The following SUPT3H variants were observed in gnomAD, a reference collection of about 807,000 sequenced individuals.
The protein encoded by SUPT3H is SPT3 homolog, SAGA and STAGA complex component.
In SUPT3H, 44 loss-of-function variants were observed where a neutral mutation model predicts 44.3. That is an observed-to-expected ratio of 0.99 (90% CI 0.78 to 1.28). SUPT3H has a LOEUF of 1.28. Ranked by LOEUF, SUPT3H falls within the 50% of genes most tolerant of loss-of-function variation. The pLI is 0.00. For missense variants in SUPT3H, 380 were observed against 387.1 expected (o/e 0.98, Z 0.15); for synonymous variants, 124 against 125.6 (o/e 0.99, Z 0.09).
intron 2 of SUPT3H, among the ~76,000 whole-genome samples, chr6:45,346,652 C>G (rs1790941016): frequency 6.6e-6 from 1 of 151,066 alleles, no homozygotes; most frequent in Admixed American, 6.6e-5. Context: ...ACTGCAACCT[C>G]CACCTCCTGG....
At chr6:45,030,703 G>A (rs544849428) in intron 3 of SUPT3H, among the ~76,000 whole-genome samples, 3 of 152,294 alleles carry the variant, frequency 2.0e-5, no homozygotes, top group South Asian at 4.1e-4. Context: ...TCCTGCTTTA[G>A]AATAATTATG....
chr6:45,004,801 G>T (rs1782473650), intron 5 of SUPT3H, among the ~76,000 whole-genome samples: 1 of 151,614 alleles, frequency 6.6e-6, no homozygotes. Context: ...TTTCTTTCTG[G>T]TCTTGCACTT....
chr6:44,991,799 C>T (rs2153498490), intron 6 of SUPT3H, among the ~76,000 whole-genome samples: 1 of 152,142 alleles, frequency 6.6e-6, no homozygotes, highest in South Asian at 2.1e-4. Context: ...TTATCTATAC[C>T]AAACAAATAA....
At chr6:45,365,986 C>T (rs1328026737) in intron 1 of SUPT3H, among the ~76,000 whole-genome samples, 1 of 151,662 alleles carries the variant, frequency 6.6e-6, no homozygotes, top group Non-Finnish European at 1.5e-5. Flanking sequence ...GGTGCCAATC[C>T]TAATGTATGA....
chr6:45,067,203 G>A (rs1211016317), intron 3 of SUPT3H, among the ~76,000 whole-genome samples: 3 of 142,732 alleles, frequency 2.1e-5, no homozygotes, highest in Non-Finnish European at 4.6e-5. Flanking sequence ...AGAAAAACAA[G>A]CAATGGGGAA....
chr6:44,996,278 A>G (rs757597380), intron 6 of SUPT3H, among the ~76,000 whole-genome samples: 62 of 151,988 alleles, frequency 4.1e-4, no homozygotes, highest in Non-Finnish European at 7.4e-4. Context: ...CAATACCAGT[A>G]AGTAGATACT....
At chr6:45,132,693 C>T (rs1159272554) in intron 2 of SUPT3H, among the ~76,000 whole-genome samples, 1 of 152,008 alleles carries the variant, frequency 6.6e-6, no homozygotes, top group Admixed American at 6.6e-5. Flanking sequence ...TGGAAAATAA[C>T]CCATCTGAAT....
At chr6:44,867,349 C>A (rs1372892112) in intron 10 of SUPT3H, among the ~76,000 whole-genome samples, 3 of 152,062 alleles carry the variant, frequency 2.0e-5, no homozygotes, top group Non-Finnish European at 2.9e-5. Context: ...ACATGTTGGC[C>A]GGGCTGGTTT....
chr6:44,949,076 T>A (rs1773839514), intron 9 of SUPT3H, among the ~76,000 whole-genome samples: 1 of 151,794 alleles, frequency 6.6e-6, no homozygotes, highest in South Asian at 2.1e-4. Flanking sequence ...AAAGGATGAG[T>A]TCATGTCCTT....
chr6:45,164,696 A>G (rs915317290), intron 2 of SUPT3H, among the ~76,000 whole-genome samples: 3 of 152,176 alleles, frequency 2.0e-5, no homozygotes, highest in African/African-American at 2.4e-5. Context: ...AAGTCTGAGG[A>G]GTGTTTCACA....
At chr6:45,316,750 A>G (rs544083520) in intron 2 of SUPT3H, among the ~76,000 whole-genome samples, 1 of 152,326 alleles carries the variant, frequency 6.6e-6, no homozygotes, top group East Asian at 1.9e-4. Flanking sequence ...AAACTACAAA[A>G]CACTGATGAA....
At chr6:45,165,485 A>G (rs971983053) in intron 2 of SUPT3H, among the ~76,000 whole-genome samples, 1 of 152,192 alleles carries the variant, frequency 6.6e-6, no homozygotes, top group Non-Finnish European at 1.5e-5. Context: ...GCAAAAATAC[A>G]ACCATTACCA....
At chr6:45,340,972 CCT>C (rs1274564291) in intron 2 of SUPT3H, among the ~76,000 whole-genome samples, 1 of 152,110 alleles carries the variant, frequency 6.6e-6, no homozygotes, top group Non-Finnish European at 1.5e-5. Flanking sequence ...ATCCAGACAA[CCT>C]TTATTTCTAA....
At chr6:44,964,934 A>G (rs909871645) in intron 6 of SUPT3H, among the ~76,000 whole-genome samples, 1 of 152,202 alleles carries the variant, frequency 6.6e-6, no homozygotes, top group African/African-American at 2.4e-5. Context: ...AGGTGGACTA[A>G]GTTAGAATTC....
chr6:44,874,902 T>C (rs1582132767), intron 10 of SUPT3H, among the ~76,000 whole-genome samples: 1 of 145,938 alleles, frequency 6.9e-6, no homozygotes, highest in African/African-American at 2.6e-5. Flanking sequence ...CCATTCACAA[T>C]TGCTTCAAAG....
At chr6:45,050,449 AG>A (rs1318148365) in intron 3 of SUPT3H, among the ~76,000 whole-genome samples, 3 of 108,378 alleles carry the variant, frequency 2.8e-5, no homozygotes, top group Non-Finnish European at 5.9e-5. Flanking sequence ...TGAAAGGCAA[AG>A]AAAAAAAAAA....
At position 45,109,149 on chromosome 6, in the gene SUPT3H, C is replaced by T. The variant is rs557091554; in HGVS notation, c.102-3143G>A. Among the ~76,000 whole-genome samples the T allele has an allele frequency of 8.5e-5, 13 of 152,120 alleles. 1 individual carries two copies. The South Asian group carries it at 2.7e-3, about 32-fold the overall frequency. On this transcript the variant is annotated intron_variant, in intron 2 of 10. Transcript: ENST00000371459. ...ATTTTCTACAGGACTTAATATAAAG[C>T]TACAATCATTAAGATAGTATGTTAT...
intron 2 of SUPT3H, among the ~76,000 whole-genome samples, chr6:45,350,659 T>C (rs1476368359): frequency 6.6e-6 from 1 of 152,172 alleles, no homozygotes; most frequent in Non-Finnish European, 1.5e-5. Flanking sequence ...TTCTGGCTGC[T>C]AAGATGTGGT....
At chr6:44,813,982 T>C (rs1248489511) in intron 11 of SUPT3H, among the ~76,000 whole-genome samples, 2 of 152,078 alleles carry the variant, frequency 1.3e-5, no homozygotes, top group African/African-American at 4.8e-5. Flanking sequence ...CAGATTCAAG[T>C]AGTTCTACAA....
Sources: gnomAD v4.1 joint callset for allele counts (sites outside exome capture counted in the v4.1 genomes callset) on GRCh38, gnomAD v4.1.1 for gene constraint, MANE v1.5 for transcripts, NCBI Gene and HGNC (gene_info 2026-07-23, HGNC 2026-07-21) for gene names.